The following GRID2 variants were observed in gnomAD, a reference collection of about 807,000 sequenced individuals.
GRID2 encodes glutamate receptor ionotropic, delta-2.
GRID2 carries 33 observed loss-of-function variants against 114.8 expected under a neutral mutation model. The observed-to-expected ratio is 0.29, with a 90% CI of 0.22 to 0.38. The LOEUF (loss-of-function observed/expected upper bound fraction) is 0.38, where lower values mean the gene tolerates loss of function less well. Ranked by LOEUF, GRID2 falls within the 10% of genes least tolerant of loss-of-function variation. The probability of loss-of-function intolerance (pLI) is 1.00; values close to 1 mark genes in which losing one functional copy is unlikely to be tolerated. For synonymous variants in GRID2, 505 were observed against 449.9 expected, an observed-to-expected ratio of 1.12 and a Z score of -1.55; for missense variants, 1,184 against 1,257.7, an observed-to-expected ratio of 0.94 and a Z score of 0.89.
chr4:92,595,532 A>G (rs2149215228), intron 2 of GRID2, among the ~76,000 whole-genome samples: 1 of 152,142 alleles, frequency 6.6e-6, no homozygotes, highest in South Asian at 2.1e-4. Context: ...TCTTAACACC[A>G]GTGTTGATTA....
intron 4 of GRID2, among the ~76,000 whole-genome samples, chr4:93,178,334 T>C (rs1739545909): frequency 6.7e-6 from 1 of 149,642 alleles, no homozygotes; most frequent in African/African-American, 2.4e-5. Context: ...AAACTGAGGA[T>C]CATTTTTTTT....
chr4:92,574,692 T>TGTTA (rs1727802186), intron 1 of GRID2, among the ~76,000 whole-genome samples: 1 of 152,164 alleles, frequency 6.6e-6, no homozygotes. Context: ...AGAGGTCCAC[T>TGTTA]GTTAGTCTGA....
intron 2 of GRID2, among the ~76,000 whole-genome samples, chr4:93,068,011 A>T (rs1421920746): frequency 6.6e-6 from 1 of 152,032 alleles, no homozygotes; most frequent in Admixed American, 6.6e-5. Context: ...AAGAGTGAGA[A>T]GACCTGGTAT....
intron 10 of GRID2, among the ~76,000 whole-genome samples, chr4:93,439,333 G>A (rs1721404606): frequency 6.6e-6 from 1 of 152,014 alleles, no homozygotes. Flanking sequence ...GTTGAGACTT[G>A]GTGAGAAATT....
intron 4 of GRID2, among the ~76,000 whole-genome samples, chr4:93,132,350 G>A (rs1322285780): frequency 6.6e-6 from 1 of 152,170 alleles, no homozygotes; most frequent in African/African-American, 2.4e-5. Flanking sequence ...CTTTTTATGG[G>A]TGAGATCATG....
At chr4:93,112,324 C>T (rs922330857) in intron 4 of GRID2, 15 of 152,212 alleles carry the variant, frequency 9.9e-5, no homozygotes, top group Admixed American at 2.0e-4. Flanking sequence ...CTCTGTGCCT[C>T]CACCCAAATC....
intron 8 of GRID2, among the ~76,000 whole-genome samples, chr4:93,298,745 A>G (rs746659515): frequency 1.1e-4 from 17 of 152,208 alleles, no homozygotes; most frequent in Non-Finnish European, 1.6e-4. Context: ...GATCTTCCTG[A>G]CATATCTTCT....
intron 2 of GRID2, among the ~76,000 whole-genome samples, chr4:92,738,474 G>A (rs186836015): frequency 6.6e-6 from 1 of 152,112 alleles, no homozygotes; most frequent in East Asian, 1.9e-4. Flanking sequence ...TGTTGGCTAG[G>A]TAACGAATAC....
chr4:93,184,527 A>C (rs915313126), intron 4 of GRID2, among the ~76,000 whole-genome samples: 1 of 151,620 alleles, frequency 6.6e-6, no homozygotes, highest in African/African-American at 2.4e-5. Flanking sequence ...AAAAAAAAAA[A>C]AAACTCACAG....
chr4:92,636,264 C>A (rs2149249876), intron 2 of GRID2, among the ~76,000 whole-genome samples: 1 of 151,920 alleles, frequency 6.6e-6, no homozygotes, highest in African/African-American at 2.4e-5. Flanking sequence ...CTCCTCTGTT[C>A]ATTCCTCTGT....
intron 2 of GRID2, among the ~76,000 whole-genome samples, chr4:92,608,903 G>A (rs996101579): frequency 1.6e-4 from 24 of 151,770 alleles, no homozygotes; most frequent in African/African-American, 4.6e-4. Context: ...TATATATTGA[G>A]AACTTATAAT....
At chr4:93,673,182 A>G (rs1724577146) in intron 14 of GRID2, among the ~76,000 whole-genome samples, 1 of 152,188 alleles carries the variant, frequency 6.6e-6, no homozygotes, top group Non-Finnish European at 1.5e-5. Flanking sequence ...TAAACAGAGC[A>G]GGTAAGTCAG....
In GRID2 at chr4:92,704,669, G is replaced by A. The variant is rs192639598; in HGVS notation, c.244+114383G>A. Among the ~76,000 whole-genome samples the A allele has an allele frequency of 8.5e-4, 127 of 149,824 alleles. No homozygotes were observed. In the Middle Eastern group the frequency reaches 0.018, roughly 21 times the overall value. Reference sequence around the variant, plus strand: ...CTTGGGCACAGCACAGTCCACACTGGAAGATTTCTTTTCTCCCCAATCAAT... The same window carrying A: ...CTTGGGCACAGCACAGTCCACACTGAAAGATTTCTTTTCTCCCCAATCAAT... On this transcript the variant is annotated intron_variant, in intron 2 of 15. Coordinates refer to ENST00000282020, the MANE Select transcript of GRID2 (RefSeq NM_001510.4).
At chr4:92,526,187 A>T (rs930195718) in intron 1 of GRID2, among the ~76,000 whole-genome samples, 1 of 150,868 alleles carries the variant, frequency 6.6e-6, no homozygotes, top group Non-Finnish European at 1.5e-5. Context: ...GGAGTCAAGG[A>T]ATTAAAAAGA....
intron 13 of GRID2, among the ~76,000 whole-genome samples, chr4:93,602,975 C>T (rs201283164): frequency 2.6e-5 from 4 of 152,118 alleles, no homozygotes; most frequent in Admixed American, 1.3e-4. Context: ...TTTGGGAGGC[C>T]GAGGCGGGCA....
chr4:93,707,347 T>C lies in GRID2; in HGVS notation c.2361-61863T>C, dbSNP rs190454341. The stretch of plus-strand genomic sequence containing the variant: ...CATCAGGTTCTAGGCTTTTCTTTGC[T>C]GGAAGACTTTATTACAGCTTTGAAC... On this transcript the variant is annotated intron_variant, in intron 14 of 15. Transcript: ENST00000282020. 5.7e-4 allele frequency among the ~76,000 whole-genome samples: 86 copies of C among 152,210 alleles called. 2 individuals carry two copies. In the East Asian group the frequency reaches 0.016, roughly 29 times the overall value.
In GRID2 at chr4:92,304,541, T is replaced by C; in HGVS notation, c.-116T>C. On this transcript the variant is annotated 5_prime_UTR_variant, in exon 1 of 16. Coordinates refer to ENST00000282020, the MANE Select transcript of GRID2 (RefSeq NM_001510.4). ...AGGCTTTGCTCTGGCAATAGGAATT[T>C]AGAAAAAAAGAAAAAGCTGCGCTAA... 1 of 719,490 alleles carries C rather than the reference T, an allele frequency of 1.4e-6. No individual in the cohort carries two copies. Among genetic ancestry groups the C allele is most frequent in the Non-Finnish European group, 2.5e-6 (1 of 407,366 alleles). 44.6% of individuals were successfully genotyped at this position (719,490 alleles called of 1,614,324 possible). A position where few individuals can be genotyped will look rare whatever the true frequency, so the allele number is the denominator to read the frequency against.
At chr4:92,740,718 A>AGATAGATAGATAGATAGATG (rs1736844592) in intron 2 of GRID2, among the ~76,000 whole-genome samples, 1 of 98,324 alleles carries the variant, frequency 1.0e-5, no homozygotes, top group Non-Finnish European at 2.3e-5. Context: ...ATAGATAGAT[A>AGATAGATAGATAGATAGATG]GATAGATAGA....
intron 4 of GRID2, among the ~76,000 whole-genome samples, chr4:93,162,837 C>T (rs913948286): frequency 6.6e-6 from 1 of 151,840 alleles, no homozygotes; most frequent in Middle Eastern, 3.4e-3. Context: ...ATAGAACACC[C>T]AAGAGGCAAT....
Sources: gnomAD v4.1 joint callset for allele counts (sites outside exome capture counted in the v4.1 genomes callset) on GRCh38, gnomAD v4.1.1 for gene constraint, MANE v1.5 for transcripts, NCBI Gene and HGNC (gene_info 2026-07-23, HGNC 2026-07-21) for gene names.